GRM7: variants seen among roughly 807,000 people sequenced by gnomAD.
GRM7 encodes the protein glutamate metabotropic receptor 7.
GRM7 carries 35 observed loss-of-function variants against 84.5 expected under a neutral mutation model. The ratio of observed to expected loss-of-function variants is 0.41; its 90% CI spans 0.32 to 0.55. The LOEUF is 0.55. Ranked by LOEUF, GRM7 falls within the 20% of genes least tolerant of loss-of-function variation. The pLI, the probability that GRM7 is intolerant of heterozygous loss-of-function variation, is 0.19. For synonymous variants in GRM7, 487 were observed against 455.1 expected (o/e 1.07, Z -0.89); for missense variants, 1,003 against 1,194.6 (o/e 0.84, Z 2.36).
intron 1 of GRM7, among the ~76,000 whole-genome samples, chr3:6,954,844 T>C (rs1692958552): frequency 6.6e-6 from 1 of 152,204 alleles, no homozygotes; most frequent in Non-Finnish European, 1.5e-5. Flanking sequence ...AATATGATTA[T>C]AAAGAAGAGG....
intron 7 of GRM7, among the ~76,000 whole-genome samples, chr3:7,514,835 A>G (rs1299712761): frequency 6.6e-6 from 1 of 152,224 alleles, no homozygotes; most frequent in African/African-American, 2.4e-5. Flanking sequence ...GCGCAGGTGC[A>G]GGATTTTATT....
rs1482734879 is a variant in GRM7 at position 7,412,968 on chromosome 3, A to C, written c.1034-2055A>C. ...TGGCTCTAGTAGAAAGTTTAGAAAA[A>C]AACCTCAATTCACTATGACACACAC... On this transcript the variant is annotated intron_variant, in intron 4 of 9. Coordinates refer to ENST00000357716, the MANE Select transcript of GRM7 (RefSeq NM_000844.4). Among the ~76,000 whole-genome samples, 3 of 151,680 alleles carry C rather than the reference A, an allele frequency of 2.0e-5. No homozygotes were observed. In the East Asian group the frequency reaches 5.8e-4, roughly 29 times the overall value.
At chr3:7,075,978 C>T (rs1698064025) in intron 1 of GRM7, among the ~76,000 whole-genome samples, 1 of 151,722 alleles carries the variant, frequency 6.6e-6, no homozygotes, top group African/African-American at 2.4e-5. Flanking sequence ...ATTCTGAAAC[C>T]TTAATGAAAG....
intron 2 of GRM7, among the ~76,000 whole-genome samples, chr3:7,167,752 G>A (rs1272054315): frequency 3.3e-5 from 5 of 151,788 alleles, no homozygotes; most frequent in Admixed American, 6.6e-5. Context: ...GGCGGATCAC[G>A]AGGTCAGGAG....
At chr3:6,873,631 A>T (rs1208596547) in intron 1 of GRM7, among the ~76,000 whole-genome samples, 2 of 152,222 alleles carry the variant, frequency 1.3e-5, no homozygotes, top group African/African-American at 4.8e-5. Flanking sequence ...GAGGTCTATT[A>T]TTTATTATTA....
intron 1 of GRM7, among the ~76,000 whole-genome samples, chr3:7,021,889 C>G (rs1171902517): frequency 1.3e-5 from 2 of 152,150 alleles, no homozygotes; most frequent in Non-Finnish European, 2.9e-5. Flanking sequence ...GCACATAGCA[C>G]TGCTTGACAC....
At chr3:7,575,479 A>T (rs535439128) in intron 7 of GRM7, among the ~76,000 whole-genome samples, 1 of 152,268 alleles carries the variant, frequency 6.6e-6, no homozygotes, top group Admixed American at 6.5e-5. Flanking sequence ...GCGTTAAATA[A>T]TTATCTTCCT....
chr3:7,039,916 C>G (rs981562363), intron 1 of GRM7, among the ~76,000 whole-genome samples: 1 of 152,048 alleles, frequency 6.6e-6, no homozygotes, highest in Non-Finnish European at 1.5e-5. Flanking sequence ...TAAAACAAAA[C>G]GAAGGCATTT....
At chr3:7,145,863 G>A (rs1321964726) in intron 1 of GRM7, among the ~76,000 whole-genome samples, 1 of 152,184 alleles carries the variant, frequency 6.6e-6, no homozygotes, top group Non-Finnish European at 1.5e-5. Flanking sequence ...GACCACTAGA[G>A]TAAATGCCAA....
At chr3:7,674,316 C>T (rs1213146540) in intron 8 of GRM7, among the ~76,000 whole-genome samples, 2 of 151,836 alleles carry the variant, frequency 1.3e-5, no homozygotes, top group Admixed American at 6.6e-5. Flanking sequence ...CTCAGCCTCC[C>T]GAGTAGCTGG....
intron 9 of GRM7, among the ~76,000 whole-genome samples, chr3:7,687,478 A>G (rs1159268279): frequency 6.6e-6 from 1 of 152,228 alleles, no homozygotes. Flanking sequence ...AATATGCAGT[A>G]GAGAACATGG....
At chr3:7,584,622 T>C (rs1197532098) in intron 8 of GRM7, among the ~76,000 whole-genome samples, 2 of 152,186 alleles carry the variant, frequency 1.3e-5, no homozygotes, top group African/African-American at 2.4e-5. Flanking sequence ...AAATAGTGCT[T>C]GAGTGCGAAA....
chr3:7,471,492 T>G (rs1698699460), intron 7 of GRM7, among the ~76,000 whole-genome samples: 1 of 152,192 alleles, frequency 6.6e-6, no homozygotes, highest in African/African-American at 2.4e-5. Flanking sequence ...CTGTGACCCC[T>G]TTCCTCTGTC....
intron 4 of GRM7, among the ~76,000 whole-genome samples, chr3:7,316,740 A>G (rs774922045): frequency 2.6e-5 from 4 of 151,152 alleles, no homozygotes; most frequent in Admixed American, 6.6e-5. Flanking sequence ...GTATCTATCC[A>G]AGTATCTCAG....
chr3:7,341,090 T>G (rs1249586791), intron 4 of GRM7, among the ~76,000 whole-genome samples: 1 of 152,136 alleles, frequency 6.6e-6, no homozygotes, highest in Non-Finnish European at 1.5e-5. Context: ...TTGTTAATTT[T>G]GGCACAACTT....
At chr3:7,312,912 TCTC>T (rs1020065338) in intron 4 of GRM7, among the ~76,000 whole-genome samples, 3 of 149,874 alleles carry the variant, frequency 2.0e-5, no homozygotes, top group African/African-American at 4.9e-5. Context: ...ACTCCTGCCT[TCTC>T]CTCCTTTTTT....
intron 5 of GRM7, among the ~76,000 whole-genome samples, chr3:7,451,482 A>G (rs1697765946): frequency 6.6e-6 from 1 of 152,210 alleles, no homozygotes; most frequent in South Asian, 2.1e-4. Flanking sequence ...AGTAAACAGC[A>G]TGAGCAAAGA....
chr3:7,285,416 C>A (rs1337872901), intron 2 of GRM7, among the ~76,000 whole-genome samples: 1 of 152,072 alleles, frequency 6.6e-6, no homozygotes, highest in South Asian at 2.1e-4. Flanking sequence ...GTGTTGTTAT[C>A]GTGTGTTTTA....
At chr3:7,242,412 G>A (rs934878220) in intron 2 of GRM7, among the ~76,000 whole-genome samples, 2 of 152,184 alleles carry the variant, frequency 1.3e-5, no homozygotes, top group Non-Finnish European at 2.9e-5. Context: ...TAGAGGTTGT[G>A]TAAGATCTCT....
Sources: allele counts gnomAD v4.1 joint callset (sites outside exome capture counted in the v4.1 genomes callset), GRCh38; gene constraint gnomAD v4.1.1; transcripts MANE v1.5; gene names NCBI Gene and HGNC (gene_info 2026-07-23, HGNC 2026-07-21).